RHBDL2: variants seen among roughly 807,000 people sequenced by gnomAD.
RHBDL2 encodes the protein rhomboid-related protein 2.
A neutral mutation model predicts 31.7 loss-of-function variants in RHBDL2; 26 were observed. That is an observed-to-expected ratio of 0.82 (90% CI 0.60 to 1.14). RHBDL2 has a LOEUF of 1.14. Ranked by LOEUF, RHBDL2 falls within the 50% of genes most tolerant of loss-of-function variation. RHBDL2 has a pLI of 0.00. For synonymous variants in RHBDL2, 123 were observed against 127.2 expected (o/e 0.97, Z 0.22); for missense variants, 336 against 364.4 (o/e 0.92, Z 0.63).
intron 1 of RHBDL2, among the ~76,000 whole-genome samples, chr1:38,930,192 G>A (rs1269519880): frequency 1.3e-5 from 2 of 152,094 alleles, no homozygotes; most frequent in Admixed American, 6.5e-5. Flanking sequence ...AGGGCCTCTC[G>A]GCGGAATAAT....
chr1:38,930,411 G>A (rs1286248183), intron 1 of RHBDL2, among the ~76,000 whole-genome samples: 1 of 152,134 alleles, frequency 6.6e-6, no homozygotes, highest in East Asian at 1.9e-4. Context: ...CACAAACCTG[G>A]GAATCTCAGA....
intron 4 of RHBDL2, among the ~76,000 whole-genome samples, chr1:38,907,196 C>A (rs183192842): frequency 7.1e-4 from 108 of 152,282 alleles, no homozygotes; most frequent in African/African-American, 2.4e-3. Flanking sequence ...AATTGGATAT[C>A]TTCAGGCCAA....
intron 1 of RHBDL2, among the ~76,000 whole-genome samples, chr1:38,921,541 A>T (rs1330238499): frequency 3.3e-5 from 5 of 152,194 alleles, no homozygotes. Context: ...TGTTACTGGG[A>T]ATCAGATCAA....
intron 4 of RHBDL2, among the ~76,000 whole-genome samples, chr1:38,905,215 G>A (rs1211692387): frequency 6.7e-6 from 1 of 148,854 alleles, no homozygotes; most frequent in Non-Finnish European, 1.5e-5. Context: ...TTACAAGCAT[G>A]AGCCACCATG....
Position 38,919,273 on chromosome 1 carries a change from T to C in RHBDL2, c.-61A>G. ...AATCCCAGGGAACAGCAGGTGGCCCTAGGTCCTCAGGCTGCCGCTCTTCCC... is the reference window on the plus strand; with the variant it reads ...AATCCCAGGGAACAGCAGGTGGCCCCAGGTCCTCAGGCTGCCGCTCTTCCC... On this transcript the variant is annotated 5_prime_UTR_variant, in exon 2 of 8. Coordinates refer to ENST00000372990, the MANE Select transcript of RHBDL2 (RefSeq NM_017821.5). 1 of 1,612,726 alleles carries C rather than the reference T, an allele frequency of 6.2e-7. No individual in the cohort carries two copies. Among genetic ancestry groups the C allele is most frequent in the Non-Finnish European group, 8.5e-7 (1 of 1,179,880 alleles).
chr1:38,892,194 C>CCCCCAACT (rs1184650625), intron 6 of RHBDL2, among the ~76,000 whole-genome samples: 1 of 152,120 alleles, frequency 6.6e-6, no homozygotes, highest in Non-Finnish European at 1.5e-5. Flanking sequence ...GCCCCCCGCT[C>CCCCCAACT]CCCCAACTCT....
chr1:38,921,188 A>G (rs1271837954), intron 1 of RHBDL2, among the ~76,000 whole-genome samples: 1 of 152,128 alleles, frequency 6.6e-6, no homozygotes, highest in East Asian at 1.9e-4. Flanking sequence ...TTCAGAACAG[A>G]CTGGCCAACC....
intron 1 of RHBDL2, chr1:38,925,879 C>A: frequency 9.0e-7 from 1 of 1,106,168 alleles, no homozygotes; most frequent in Non-Finnish European, 1.2e-6. Flanking sequence ...GTAGGCCTGG[C>A]TCACTAACAG....
At chr1:38,932,980 C>T (rs1643454337) in intron 1 of RHBDL2, among the ~76,000 whole-genome samples, 1 of 152,174 alleles carries the variant, frequency 6.6e-6, no homozygotes. Flanking sequence ...CTGCCTCCCT[C>T]CAACAATGAA....
intron 1 of RHBDL2, among the ~76,000 whole-genome samples, chr1:38,939,515 A>G (rs1350528086): frequency 6.6e-6 from 1 of 152,072 alleles, no homozygotes. Context: ...TACAACAACA[A>G]CAACAACAAA....
chr1:38,926,332 T>A, intron 1 of RHBDL2: 1 of 391,158 alleles, frequency 2.6e-6, no homozygotes, highest in Non-Finnish European at 3.6e-6. Context: ...CACTGGGCGT[T>A]CAGCAGCAGC....
intron 6 of RHBDL2, among the ~76,000 whole-genome samples, chr1:38,891,448 T>C (rs1642853741): frequency 6.6e-6 from 1 of 152,110 alleles, no homozygotes; most frequent in Non-Finnish European, 1.5e-5. Flanking sequence ...AAAGAACTTT[T>C]AGAAATGAAG....
intron 1 of RHBDL2, among the ~76,000 whole-genome samples, chr1:38,940,236 T>C (rs1307313943): frequency 1.3e-5 from 2 of 152,208 alleles, no homozygotes; most frequent in African/African-American, 2.4e-5. Context: ...GAATTGGTGG[T>C]TCCCATCACT....
chr1:38,904,101 C>G (rs549230520), intron 4 of RHBDL2, among the ~76,000 whole-genome samples: 1 of 152,210 alleles, frequency 6.6e-6, no homozygotes, highest in South Asian at 2.1e-4. Flanking sequence ...AAATGGAAAG[C>G]CTAAAATAAT....
chr1:38,930,460 C>T (rs1205047499), intron 1 of RHBDL2, among the ~76,000 whole-genome samples: 2 of 152,184 alleles, frequency 1.3e-5, no homozygotes, highest in African/African-American at 4.8e-5. Context: ...TAACATATTA[C>T]ATATATTTGT....
At chr1:38,887,333 A>G (rs1370953527) in intron 7 of RHBDL2, among the ~76,000 whole-genome samples, 2 of 152,068 alleles carry the variant, frequency 1.3e-5, no homozygotes, top group African/African-American at 4.8e-5. Context: ...CTCCCATCTC[A>G]GCTCCCCAAG....
At chr1:38,889,795 C>A (rs1254887217) in intron 6 of RHBDL2, among the ~76,000 whole-genome samples, 1 of 152,196 alleles carries the variant, frequency 6.6e-6, no homozygotes, top group African/African-American at 2.4e-5. Context: ...ATTCCACACC[C>A]ATCCCCTAAT....
At chr1:38,915,941 C>G (rs1424895455) in intron 2 of RHBDL2, among the ~76,000 whole-genome samples, 1 of 152,238 alleles carries the variant, frequency 6.6e-6, no homozygotes, top group African/African-American at 2.4e-5. Context: ...GTAAGGAAGA[C>G]TTTCTGAACC....
At chr1:38,924,824 C>A (rs866785028) in intron 1 of RHBDL2, among the ~76,000 whole-genome samples, 1 of 145,386 alleles carries the variant, frequency 6.9e-6, no homozygotes, top group Non-Finnish European at 1.5e-5. Flanking sequence ...CTCTTGTTGC[C>A]AGGCTGGAGT....
Sources: allele counts gnomAD v4.1 joint callset (sites outside exome capture counted in the v4.1 genomes callset), GRCh38; gene constraint gnomAD v4.1.1; transcripts MANE v1.5; gene names NCBI Gene and HGNC (gene_info 2026-07-23, HGNC 2026-07-21).